PTPRM: variants seen among roughly 807,000 people sequenced by gnomAD.
PTPRM encodes the protein protein tyrosine phosphatase receptor type M.
PTPRM carries 47 observed loss-of-function variants against 186.7 expected under a neutral mutation model. The observed-to-expected ratio is 0.25, with a 90% CI of 0.20 to 0.32. PTPRM has a LOEUF of 0.32. PTPRM is among the 10% of genes least tolerant of loss of function. The pLI, the probability that PTPRM is intolerant of heterozygous loss-of-function variation, is 1.00. For synonymous variants in PTPRM, 668 were observed against 674.9 expected, an observed-to-expected ratio of 0.99 and a Z score of 0.16; for missense variants, 1,494 against 1,865.0, an observed-to-expected ratio of 0.80 and a Z score of 3.66.
At chr18:8,027,436 T>C (rs1262918304) in intron 7 of PTPRM, among the ~76,000 whole-genome samples, 1 of 152,232 alleles carries the variant, frequency 6.6e-6, no homozygotes, top group Non-Finnish European at 1.5e-5. Flanking sequence ...GATTAGGATT[T>C]TACATTCCTT....
chr18:7,881,046 T>G (rs1011791778), intron 2 of PTPRM, among the ~76,000 whole-genome samples: 3 of 152,100 alleles, frequency 2.0e-5, no homozygotes, highest in African/African-American at 7.2e-5. Context: ...AGAAGCGTAG[T>G]GGTACACTTT....
chr18:7,997,894 G>T (rs778436741), intron 7 of PTPRM, among the ~76,000 whole-genome samples: 1 of 152,190 alleles, frequency 6.6e-6, no homozygotes, highest in Non-Finnish European at 1.5e-5. Flanking sequence ...TGGCAAGGAT[G>T]CAGAGAAAGG....
At chr18:7,783,616 T>C (rs1024684311) in intron 2 of PTPRM, among the ~76,000 whole-genome samples, 1 of 152,096 alleles carries the variant, frequency 6.6e-6, no homozygotes, top group Non-Finnish European at 1.5e-5. Context: ...TTGTTGCCTG[T>C]GTTGGAGTGC....
chr18:8,238,089 GTAA>G (rs2094367620), intron 14 of PTPRM, among the ~76,000 whole-genome samples: 1 of 152,074 alleles, frequency 6.6e-6, no homozygotes, highest in South Asian at 2.1e-4. Flanking sequence ...TTAGAAATCA[GTAA>G]TAGAAAAATA....
In PTPRM at chr18:7,905,147, C is replaced by A. The variant is rs371540982; in HGVS notation, c.469-1358C>A. ...TAGCTGGGATTACAGGCGTATGCCA[C>A]CACGTCCACCTAATTTTTGTATTTT... On this transcript the variant is annotated intron_variant, in intron 3 of 32. Coordinates refer to ENST00000580170, the MANE Select transcript of PTPRM (RefSeq NM_001105244.2). Among the ~76,000 whole-genome samples the A allele has an allele frequency of 2.8e-4, 43 of 152,256 alleles. 3 individuals carry two copies. In the South Asian group the frequency reaches 7.9e-3, roughly 28 times the overall value.
In PTPRM at chr18:8,387,769, C is replaced by T. The variant is rs76332775; in HGVS notation, c.4208+534C>T. On this transcript the variant is annotated intron_variant, in intron 31 of 32. Coordinates refer to ENST00000580170, the MANE Select transcript of PTPRM (RefSeq NM_001105244.2). Reference sequence around the variant, plus strand: ...GTGTGCGTGTGTGCGTGTGTGTGCGCGCGCGTGCATGCTTTTTGGGAGAAT... The same window carrying T: ...GTGTGCGTGTGTGCGTGTGTGTGCGTGCGCGTGCATGCTTTTTGGGAGAAT... Among the ~76,000 whole-genome samples the T allele has an allele frequency of 6.6e-3, 1,002 of 151,692 alleles. 9 individuals are homozygous for T. The highest frequency in any genetic ancestry group is 1.0e-2 in the Non-Finnish European group (678 of 67,908).
At chr18:8,202,867 A>G (rs1254910625) in intron 14 of PTPRM, among the ~76,000 whole-genome samples, 1 of 152,084 alleles carries the variant, frequency 6.6e-6, no homozygotes, top group African/African-American at 2.4e-5. Context: ...AAAGCCTCCC[A>G]GCCTAGCCTG....
intron 7 of PTPRM, among the ~76,000 whole-genome samples, chr18:8,003,600 G>A (rs757251174): frequency 3.5e-4 from 54 of 152,288 alleles, no homozygotes; most frequent in Admixed American, 8.5e-4. Context: ...GATCAGTTCC[G>A]GTCCTCATGT....
At chr18:8,015,244 C>T (rs1461958700) in intron 7 of PTPRM, among the ~76,000 whole-genome samples, 1 of 152,162 alleles carries the variant, frequency 6.6e-6, no homozygotes, top group Non-Finnish European at 1.5e-5. Context: ...CCACATGCTA[C>T]AGTGGCCTAC....
rs1178427708 is a variant in PTPRM, at chr18:8,240,824, GAGAAAGAA to G, written c.2301-3220_2301-3213del. ...AGAGAGAGAGAGAGAGAGAGAGAGA[GAGAAAGAA>G]AGAAAGAAAGAAAAGAAAGAAAGAA... On this transcript the variant is annotated intron_variant, in intron 14 of 32. Transcript: ENST00000580170. 1.5e-3 allele frequency among the ~76,000 whole-genome samples: 52 copies of G among 34,512 alleles called. 1 individual carries two copies. Among genetic ancestry groups the G allele is most frequent in the East Asian group, 3.8e-3 (8 of 2,092 alleles). The allele number at this position is 34,512 out of a possible 152,430, so 22.6% of individuals were successfully genotyped here.
At chr18:8,367,646 G>C (rs2095640071) in intron 23 of PTPRM, among the ~76,000 whole-genome samples, 2 of 152,248 alleles carry the variant, frequency 1.3e-5, no homozygotes, top group South Asian at 4.1e-4. Flanking sequence ...CGGGGGGACA[G>C]CCAGCCCGAG....
intron 5 of PTPRM, among the ~76,000 whole-genome samples, chr18:7,942,237 C>T (rs537256223): frequency 8.0e-5 from 12 of 149,178 alleles, no homozygotes; most frequent in East Asian, 5.9e-4. Flanking sequence ...GAGCCAAGAT[C>T]GAGCTGCTGC....
chr18:7,838,780 G>A (rs2046185470), intron 2 of PTPRM, among the ~76,000 whole-genome samples: 1 of 152,164 alleles, frequency 6.6e-6, no homozygotes, highest in South Asian at 2.1e-4. Context: ...GCCCAGGTAG[G>A]GCCAAAGGTG....
chr18:8,378,746 C>A (rs1319173595), intron 27 of PTPRM, among the ~76,000 whole-genome samples: 55 of 152,202 alleles, frequency 3.6e-4, no homozygotes, highest in Non-Finnish European at 4.4e-5. Flanking sequence ...ACAGCATAAC[C>A]ATGGCACAGT....
At chr18:7,666,120 A>G (rs575508238) in intron 1 of PTPRM, among the ~76,000 whole-genome samples, 4 of 152,326 alleles carry the variant, frequency 2.6e-5, no homozygotes, top group African/African-American at 7.2e-5. Context: ...ATGTTTCCAT[A>G]AAAGACTTGA....
chr18:8,403,561 C>G (rs1330014395), intron 32 of PTPRM: 1 of 152,104 alleles, frequency 6.6e-6, no homozygotes, highest in Non-Finnish European at 1.5e-5. Flanking sequence ...AATAAACAAG[C>G]ACATGTACCC....
At chr18:8,241,954 A>C (rs2094437934) in intron 14 of PTPRM, among the ~76,000 whole-genome samples, 1 of 152,174 alleles carries the variant, frequency 6.6e-6, no homozygotes, top group African/African-American at 2.4e-5. Context: ...CAATTAAGTG[A>C]TGAGTGTGAC....
At chr18:7,922,186 G>A (rs886642915) in intron 4 of PTPRM, among the ~76,000 whole-genome samples, 2 of 152,184 alleles carry the variant, frequency 1.3e-5, no homozygotes, top group Non-Finnish European at 1.5e-5. Flanking sequence ...GGTCCCAAAA[G>A]GGATATACCA....
chr18:7,607,305 G>C (rs1228692232), intron 1 of PTPRM, among the ~76,000 whole-genome samples: 1 of 152,130 alleles, frequency 6.6e-6, no homozygotes, highest in Non-Finnish European at 1.5e-5. Context: ...ACCAGTTGCT[G>C]GTTCTTTTCT....
Sources: gnomAD v4.1 joint callset for allele counts (sites outside exome capture counted in the v4.1 genomes callset) on GRCh38, gnomAD v4.1.1 for gene constraint, MANE v1.5 for transcripts, NCBI Gene and HGNC (gene_info 2026-07-23, HGNC 2026-07-21) for gene names.